The following KALRN variants were observed in gnomAD, a reference collection of about 807,000 sequenced individuals.
KALRN encodes the protein kalirin RhoGEF kinase, also known as kalirin.
Under a neutral mutation model 353.7 loss-of-function variants are expected in KALRN, and 70 were observed. That is an observed-to-expected ratio of 0.20 (90% confidence interval 0.16 to 0.24). The LOEUF is 0.24. Ranked by LOEUF, KALRN falls within the 10% of genes least tolerant of loss-of-function variation. The pLI is 1.00. For missense variants in KALRN, 2,791 were observed against 3,756.7 expected, an observed-to-expected ratio of 0.74 and a Z score of 6.72; for synonymous variants, 1,391 against 1,434.8, an observed-to-expected ratio of 0.97 and a Z score of 0.69.
intron 51 of KALRN, among the ~76,000 whole-genome samples, chr3:124,681,351 A>T (rs1165646999): frequency 1.3e-5 from 2 of 152,202 alleles, no homozygotes; most frequent in Admixed American, 1.3e-4. Flanking sequence ...AGTCCTTTGC[A>T]TGGGCTGAGT....
At chr3:124,189,634 C>G (rs1301572343) in intron 1 of KALRN, among the ~76,000 whole-genome samples, 1 of 151,964 alleles carries the variant, frequency 6.6e-6, no homozygotes, top group African/African-American at 2.4e-5. Context: ...GAAACCCTGT[C>G]TCTACTAATA....
intron 3 of KALRN, among the ~76,000 whole-genome samples, chr3:124,260,360 C>T (rs2072668298): frequency 6.6e-6 from 1 of 152,212 alleles, no homozygotes; most frequent in African/African-American, 2.4e-5. Context: ...TCCACTCATG[C>T]TCTGCCTGCC....
At chr3:124,285,440 C>T (rs2075739514) in intron 5 of KALRN, among the ~76,000 whole-genome samples, 2 of 152,188 alleles carry the variant, frequency 1.3e-5, no homozygotes, top group South Asian at 4.1e-4. Context: ...CTGAAAGCTC[C>T]AAGACTTCAC....
intron 33 of KALRN, among the ~76,000 whole-genome samples, chr3:124,554,950 C>G (rs1421434169): frequency 2.6e-5 from 4 of 152,162 alleles, no homozygotes; most frequent in African/African-American, 4.8e-5. Flanking sequence ...TGCTAGCATT[C>G]TGGGATCCAA....
intron 1 of KALRN, among the ~76,000 whole-genome samples, chr3:124,080,919 A>G (rs2060507628): frequency 1.3e-5 from 2 of 152,208 alleles, no homozygotes; most frequent in Non-Finnish European, 2.9e-5. Flanking sequence ...TTAAAAGTCA[A>G]ACACAACAAT....
intron 3 of KALRN, among the ~76,000 whole-genome samples, chr3:124,245,718 G>A (rs150524680): frequency 8.6e-5 from 13 of 151,950 alleles, no homozygotes; most frequent in Non-Finnish European, 1.6e-4. Context: ...TCTAAATGAG[G>A]TGAGATGATA....
intron 50 of KALRN, among the ~76,000 whole-genome samples, chr3:124,679,188 T>G (rs547549646): frequency 1.3e-3 from 203 of 152,322 alleles, no homozygotes; most frequent in African/African-American, 4.7e-3. Context: ...AAGACAACAG[T>G]TTAAATTCGA....
At chr3:124,343,330 T>G (rs767461965) in intron 9 of KALRN, among the ~76,000 whole-genome samples, 5 of 152,102 alleles carry the variant, frequency 3.3e-5, no homozygotes, top group Non-Finnish European at 7.4e-5. Flanking sequence ...GCAATTTTTT[T>G]TGTATTTTTT....
At chr3:124,096,430 G>A (rs1452278725) in intron 1 of KALRN, among the ~76,000 whole-genome samples, 3 of 152,074 alleles carry the variant, frequency 2.0e-5, no homozygotes, top group East Asian at 3.9e-4. Flanking sequence ...TATAATAACC[G>A]GGAACTAAGA....
At chr3:124,237,793 C>G (rs182621714) in intron 3 of KALRN, among the ~76,000 whole-genome samples, 40 of 152,236 alleles carry the variant, frequency 2.6e-4, no homozygotes, top group Middle Eastern at 6.8e-3. Context: ...TTAGGGGAAA[C>G]CTGGGTATTT....
At position 124,678,333 on chromosome 3, in the gene KALRN, G is replaced by C; in HGVS notation, c.7317+20G>C. ...GTTAAAGTGAGTAAGGTATTCCGGA[G>C]CTGCGTCCCCACCTGTCATCCACTC... On this transcript the variant is annotated intron_variant, in intron 50 of 59. Coordinates refer to ENST00000682506, the MANE Select transcript of KALRN (RefSeq NM_001388419.1). 6.2e-7 allele frequency: 1 copy of C among 1,612,154 alleles called. No individual in the cohort carries two copies. Among genetic ancestry groups the C allele is most frequent in the South Asian group, 1.1e-5 (1 of 90,980 alleles).
intron 1 of KALRN, among the ~76,000 whole-genome samples, chr3:124,227,666 T>TTTTTG (rs2078693316): frequency 1.3e-4 from 2 of 15,116 alleles, no homozygotes; most frequent in African/African-American, 6.2e-4. Flanking sequence ...CAGGGCTGTT[T>TTTTTG]TTTTTTTTTT....
At chr3:124,090,047 C>T (rs1248708664) in intron 1 of KALRN, among the ~76,000 whole-genome samples, 3 of 152,064 alleles carry the variant, frequency 2.0e-5, no homozygotes, top group Non-Finnish European at 2.9e-5. Context: ...GGGCATGGGG[C>T]CCAGGGTAGA....
At chr3:124,171,549 A>G (rs1361669573) in intron 1 of KALRN, among the ~76,000 whole-genome samples, 2 of 152,244 alleles carry the variant, frequency 1.3e-5, no homozygotes, top group South Asian at 2.1e-4. Context: ...CTTCTGCTCT[A>G]CTGGATTGGT....
intron 34 of KALRN, among the ~76,000 whole-genome samples, chr3:124,571,858 G>A (rs2073547162): frequency 6.6e-6 from 1 of 151,470 alleles, no homozygotes. Flanking sequence ...GAACTCCTGA[G>A]CTCAAGCAAT....
At chr3:124,094,557 C>T (rs2061312607) in intron 1 of KALRN, 1 of 494,402 alleles carries the variant, frequency 2.0e-6, no homozygotes, top group Non-Finnish European at 3.7e-6. Context: ...GAAAACCCTT[C>T]CTGACTCCCT....
chr3:124,397,856 G>A (rs2090360247), intron 12 of KALRN, among the ~76,000 whole-genome samples: 1 of 152,144 alleles, frequency 6.6e-6, no homozygotes, highest in South Asian at 2.1e-4. Flanking sequence ...AGCTTCTTAG[G>A]ATCTAGCCTT....
chr3:124,053,093 G>A (rs2041195519), intron 1 of KALRN, among the ~76,000 whole-genome samples: 3 of 152,156 alleles, frequency 2.0e-5, no homozygotes, highest in East Asian at 1.9e-4. Flanking sequence ...CTGGAGTGCA[G>A]CGGCACAATA....
intron 1 of KALRN, among the ~76,000 whole-genome samples, chr3:124,091,363 G>A (rs1378162235): frequency 6.6e-6 from 1 of 152,162 alleles, no homozygotes; most frequent in Admixed American, 6.5e-5. Flanking sequence ...CTGAGGAGTT[G>A]GGCCAGTGCT....
Sources: gnomAD v4.1 joint callset for allele counts (sites outside exome capture counted in the v4.1 genomes callset) on GRCh38, gnomAD v4.1.1 for gene constraint, MANE v1.5 for transcripts, NCBI Gene and HGNC (gene_info 2026-07-23, HGNC 2026-07-21) for gene names.